SV2C: variants seen among roughly 807,000 people sequenced by gnomAD.
SV2C encodes synaptic vesicle glycoprotein 2C, also known as solute carrier family 22 member B3.
Under a neutral mutation model 79.7 loss-of-function variants are expected in SV2C, and 49 were observed. That is an observed-to-expected ratio of 0.61 (90% CI 0.49 to 0.78). The LOEUF (loss-of-function observed/expected upper bound fraction) is 0.78. Ranked by LOEUF, SV2C falls within the 30% of genes least tolerant of loss-of-function variation. The pLI, the probability that SV2C is intolerant of heterozygous loss-of-function variation, is 0.00. For synonymous variants in SV2C, 334 were observed against 333.2 expected (o/e 1.00, Z -0.03); for missense variants, 833 against 912.9 (o/e 0.91, Z 1.13).
rs1358517800 is a variant in SV2C at position 76,328,918 on chromosome 5, C to T, written c.*3371C>T. The stretch of plus-strand genomic sequence containing the variant: ...TAGCTGGGACCACACGCATGCGCCA[C>T]CACGCCCAGCTAATTTTTGTATCTT... On this transcript the variant is annotated 3_prime_UTR_variant, in exon 13 of 13. Coordinates refer to ENST00000502798, the MANE Select transcript of SV2C (RefSeq NM_014979.4). 3 of 152,112 alleles carry T rather than the reference C, an allele frequency of 2.0e-5. No individual in the cohort carries two copies. The highest frequency in any genetic ancestry group is 1.3e-4 in the Admixed American group (2 of 15,268). 9.4% of individuals were successfully genotyped at this position (152,112 alleles called of 1,614,324 possible).
At chr5:76,027,918 A>G in the SV2C span, among the ~76,000 whole-genome samples, 2 of 152,164 alleles carry the variant, frequency 1.3e-5, no homozygotes, top group Non-Finnish European at 2.9e-5. Flanking sequence ...TATTACCTCT[A>G]ATTCTCTTAG....
At chr5:75,947,205 C>G in the SV2C span, among the ~76,000 whole-genome samples, 2 of 152,026 alleles carry the variant, frequency 1.3e-5, no homozygotes, top group Admixed American at 1.3e-4. Context: ...GGATGAAGAT[C>G]AGGAGTTGTG....
rs534546272 is a variant in SV2C, at chr5:76,156,504, C to T, written c.580+24174C>T. ...AAAAACTATGAGATATGCCAAAAAA[C>T]GGAAAGATATGACCTATACACTAGG... On this transcript the variant is annotated intron_variant, in intron 2 of 12. Transcript: ENST00000502798. Among the ~76,000 whole-genome samples, 9 of 152,002 alleles carry T rather than the reference C, an allele frequency of 5.9e-5. No individual in the cohort carries two copies. The East Asian group carries it at 7.7e-4, about 13-fold the overall frequency.
At chr5:76,122,578 A>G (rs1161346468) in intron 1 of SV2C, among the ~76,000 whole-genome samples, 1 of 152,148 alleles carries the variant, frequency 6.6e-6, no homozygotes, top group Non-Finnish European at 1.5e-5. Flanking sequence ...CTCACTCAAA[A>G]CTGCTCAACT....
the SV2C span, among the ~76,000 whole-genome samples, chr5:75,909,053 C>T: frequency 1.3e-5 from 2 of 152,072 alleles, no homozygotes; most frequent in African/African-American, 4.8e-5. Context: ...CATTACTGTC[C>T]TCACTTGGCA....
chr5:76,325,043 T>C (rs542036806), intron 12 of SV2C, among the ~76,000 whole-genome samples: 2 of 152,198 alleles, frequency 1.3e-5, no homozygotes, highest in East Asian at 3.9e-4. Context: ...AAAAAGACCC[T>C]TCCTTCCAAC....
chr5:76,302,495 C>T lies in SV2C; in HGVS notation c.2000+950C>T, dbSNP rs1488375467. Among the ~76,000 whole-genome samples, 7 of 151,596 alleles carry T rather than the reference C, an allele frequency of 4.6e-5. No individual in the cohort carries two copies. In the East Asian group the frequency reaches 1.2e-3, roughly 25 times the overall value. Reference sequence around the variant, plus strand: ...CAAAAAAAAACCTAGCCAGGCATGGCGGCGGGTGCCTGTAATCCCAGCTAC... The same window carrying T: ...CAAAAAAAAACCTAGCCAGGCATGGTGGCGGGTGCCTGTAATCCCAGCTAC... On this transcript the variant is annotated intron_variant, in intron 12 of 12. Coordinates refer to ENST00000502798, the MANE Select transcript of SV2C (RefSeq NM_014979.4).
the SV2C span, among the ~76,000 whole-genome samples, chr5:76,002,578 A>T: frequency 6.6e-6 from 1 of 152,216 alleles, no homozygotes; most frequent in African/African-American, 2.4e-5. Context: ...TGTGAATTAG[A>T]TCTCAATTAA....
At chr5:75,981,300 A>C in the SV2C span, among the ~76,000 whole-genome samples, 1 of 152,206 alleles carries the variant, frequency 6.6e-6, no homozygotes. Flanking sequence ...GCCCAAAGCA[A>C]TTTATAGTGT....
the SV2C span, among the ~76,000 whole-genome samples, chr5:75,918,355 A>G: frequency 1.3e-5 from 2 of 152,180 alleles, no homozygotes; most frequent in Admixed American, 6.5e-5. Context: ...TCTTTTTCCT[A>G]TACATTATGT....
At chr5:76,138,495 G>GT (rs1332857418) in intron 2 of SV2C, among the ~76,000 whole-genome samples, 1 of 152,108 alleles carries the variant, frequency 6.6e-6, no homozygotes, top group Non-Finnish European at 1.5e-5. Flanking sequence ...GATATCACCT[G>GT]TTTTTTGTAA....
chr5:76,350,415 A>G (rs1371616612), intron 12 of SV2C, among the ~76,000 whole-genome samples: 1 of 152,202 alleles, frequency 6.6e-6, no homozygotes, highest in Admixed American at 6.5e-5. Flanking sequence ...CTGGGGCCTC[A>G]GGAAATGTGA....
intron 2 of SV2C, among the ~76,000 whole-genome samples, chr5:76,171,830 T>G: frequency 1.2e-5 from 1 of 82,568 alleles, no homozygotes; most frequent in African/African-American, 4.3e-5. Context: ...CGGCCGCCCC[T>G]ACTGGGAAGT....
the SV2C span, among the ~76,000 whole-genome samples, chr5:76,065,723 T>C: frequency 4.6e-5 from 7 of 152,212 alleles, no homozygotes; most frequent in African/African-American, 1.7e-4. Flanking sequence ...AAACTGTCCA[T>C]TGGTATCATT....
the SV2C span, among the ~76,000 whole-genome samples, chr5:75,979,386 T>A: frequency 4.0e-5 from 6 of 151,882 alleles, no homozygotes; most frequent in Admixed American, 6.6e-5. Context: ...ATGGACCTGA[T>A]GCCTACAGAA....
chr5:75,956,250 C>T, the SV2C span, among the ~76,000 whole-genome samples: 1 of 146,354 alleles, frequency 6.8e-6, no homozygotes, highest in African/African-American at 2.5e-5. Flanking sequence ...TTTGTAGGCA[C>T]ATGGATGAAA....
At chr5:76,131,457 G>A (rs575481149) in intron 1 of SV2C, among the ~76,000 whole-genome samples, 193 bp from the exon 2 acceptor site, 21 of 150,080 alleles carry the variant, frequency 1.4e-4, no homozygotes, top group African/African-American at 5.2e-4. Flanking sequence ...TACTCCAAGT[G>A]ATGCTCACAC....
chr5:76,281,006 A>C, intron 4 of SV2C: 1 of 539,842 alleles, frequency 1.9e-6, no homozygotes, highest in Non-Finnish European at 3.8e-6. Context: ...GGGAGGCAGA[A>C]ATGAGAAACA....
chr5:76,166,277 C>G lies in SV2C; in HGVS notation c.581-28642C>G, dbSNP rs117177520. On this transcript the variant is annotated intron_variant, in intron 2 of 12. Transcript: ENST00000502798. The stretch of plus-strand genomic sequence containing the variant: ...AACCCTGCAGTGTGGAACCTGTGAT[C>G]TGGCTCAAATTCCAAAGCTTTTTCA... Among the ~76,000 whole-genome samples, 481 of 152,254 alleles carry G rather than the reference C, an allele frequency of 3.2e-3. 14 individuals carry two copies. The East Asian group carries it at 0.058, about 18-fold the overall frequency.
Sources: allele counts gnomAD v4.1 joint callset (sites outside exome capture counted in the v4.1 genomes callset), GRCh38; gene constraint gnomAD v4.1.1; transcripts MANE v1.5; gene names NCBI Gene and HGNC (gene_info 2026-07-23, HGNC 2026-07-21).